Variants in RBMS3 observed in about 807,000 individuals in gnomAD.
RBMS3 encodes RNA binding motif single stranded interacting protein 3.
RBMS3 carries 27 observed loss-of-function variants against 66.8 expected under a neutral mutation model. The observed-to-expected ratio is 0.40, with a 90% CI of 0.30 to 0.56. RBMS3 has a LOEUF of 0.56. Ranked by LOEUF, RBMS3 falls within the 20% of genes least tolerant of loss-of-function variation. The pLI, the probability that RBMS3 is intolerant of heterozygous loss-of-function variation, is 0.40. For missense variants in RBMS3, 513 were observed against 549.5 expected (o/e 0.93, Z 0.66); for synonymous variants, 188 against 183.0 (o/e 1.03, Z -0.22).
chr3:29,617,185 A>G (rs1025061217), intron 4 of RBMS3: 5 of 152,238 alleles, frequency 3.3e-5, no homozygotes, highest in African/African-American at 9.6e-5. Flanking sequence ...CCTGTTGGGC[A>G]GGAACACAGA....
chr3:29,963,858 C>G (rs1411746620), intron 12 of RBMS3, among the ~76,000 whole-genome samples: 1 of 146,574 alleles, frequency 6.8e-6, no homozygotes, highest in Non-Finnish European at 1.5e-5. Context: ...GTATTAAAGG[C>G]TGAGTACATA....
At chr3:29,732,593 G>A (rs535480540) in intron 4 of RBMS3, among the ~76,000 whole-genome samples, 1 of 152,192 alleles carries the variant, frequency 6.6e-6, no homozygotes, top group East Asian at 1.9e-4. Context: ...TAGAGGTGCA[G>A]TAACTATCAC....
At chr3:29,512,338 C>T (rs1334177947) in intron 3 of RBMS3, among the ~76,000 whole-genome samples, 1 of 151,958 alleles carries the variant, frequency 6.6e-6, no homozygotes, top group African/African-American at 2.4e-5. Flanking sequence ...TTAGCTGCAG[C>T]ATGTGATAAG....
chr3:29,556,077 A>G (rs955485999), intron 3 of RBMS3, among the ~76,000 whole-genome samples: 2 of 152,144 alleles, frequency 1.3e-5, no homozygotes, highest in African/African-American at 2.4e-5. Flanking sequence ...CAAAATATGC[A>G]TTGTATTATT....
At chr3:29,767,785 A>C (rs1187962851) in intron 6 of RBMS3, among the ~76,000 whole-genome samples, 1 of 151,942 alleles carries the variant, frequency 6.6e-6, no homozygotes. Context: ...ATTTATCTTA[A>C]ATTTATCTTA....
At chr3:29,670,829 G>C (rs1420435781) in intron 4 of RBMS3, among the ~76,000 whole-genome samples, 1 of 152,204 alleles carries the variant, frequency 6.6e-6, no homozygotes, top group Non-Finnish European at 1.5e-5. Flanking sequence ...TGGGGGCAGG[G>C]CATAGCTGAA....
chr3:29,591,523 T>C lies in RBMS3; in HGVS notation c.399+4318T>C, dbSNP rs79504002. 3.8e-3 allele frequency among the ~76,000 whole-genome samples: 585 copies of C among 152,322 alleles called. 8 individuals carry two copies. The highest frequency in any genetic ancestry group is 0.014 in the African/African-American group (565 of 41,576). ...TTGAGTTGTCAGTGCAATAAGTTCC[T>C]TGGTTATCCAATCACATAACCCCTG... On this transcript the variant is annotated intron_variant, in intron 4 of 14. Coordinates refer to ENST00000383767, the MANE Select transcript of RBMS3 (RefSeq NM_001003793.3).
chr3:29,530,702 A>G (rs983207766), intron 3 of RBMS3, among the ~76,000 whole-genome samples: 2 of 123,472 alleles, frequency 1.6e-5, no homozygotes, highest in African/African-American at 5.8e-5. Context: ...TCTACTAAAA[A>G]TACAAAAAAA....
intron 4 of RBMS3, among the ~76,000 whole-genome samples, chr3:29,670,778 C>G (rs1200906807): frequency 6.6e-6 from 1 of 152,180 alleles, no homozygotes; most frequent in East Asian, 1.9e-4. Flanking sequence ...GGAGCCCACC[C>G]CAGCTCAAGG....
chr3:29,599,026 C>G (rs962187640), intron 4 of RBMS3, among the ~76,000 whole-genome samples: 18 of 151,694 alleles, frequency 1.2e-4, no homozygotes, highest in Admixed American at 1.1e-3. Flanking sequence ...AGAATTGACA[C>G]CACAGAAAAT....
rs182620632 is a variant in RBMS3, at chr3:29,347,422, A to G, written c.75+65666A>G. Among the ~76,000 whole-genome samples the G allele has an allele frequency of 1.2e-4, 18 of 152,328 alleles. No homozygotes were observed. The East Asian group carries it at 3.5e-3, about 29-fold the overall frequency. ...ACTAAAATTGATAGAGGAAAGGTCT[A>G]GGGGTTTGTTTATTTTAATTTAATA... On this transcript the variant is annotated intron_variant, in intron 1 of 14. Coordinates refer to ENST00000383767, the MANE Select transcript of RBMS3 (RefSeq NM_001003793.3).
chr3:29,827,560 C>G (rs2058242879), intron 6 of RBMS3, among the ~76,000 whole-genome samples: 1 of 152,096 alleles, frequency 6.6e-6, no homozygotes, highest in South Asian at 2.1e-4. Flanking sequence ...TCTCCTGACT[C>G]GTTTGTTGCT....
intron 6 of RBMS3, among the ~76,000 whole-genome samples, chr3:29,781,820 T>G (rs9310912): frequency 0.49 from 74,275 of 151,408 alleles, 18,476 homozygotes; most frequent in East Asian, 0.64. Context: ...TGGCCTTTAG[T>G]ACCGTGGGCT....
chr3:29,942,559 G>A (rs1366784126), intron 11 of RBMS3, among the ~76,000 whole-genome samples: 1 of 151,526 alleles, frequency 6.6e-6, no homozygotes, highest in Non-Finnish European at 1.5e-5. Flanking sequence ...AAAAAGGAAG[G>A]AAAGATGTAA....
intron 6 of RBMS3, among the ~76,000 whole-genome samples, chr3:29,838,489 A>G (rs1198436605): frequency 6.6e-6 from 1 of 152,156 alleles, no homozygotes. Context: ...CCTGAATAGG[A>G]TATTTCAAAG....
chr3:29,671,228 G>T (rs2050987359), intron 4 of RBMS3, among the ~76,000 whole-genome samples: 2 of 151,818 alleles, frequency 1.3e-5, no homozygotes, highest in South Asian at 4.2e-4. Context: ...GAAAGGAATA[G>T]CATCAACGTC....
At chr3:29,297,799 A>C (rs1478006827) in intron 1 of RBMS3, among the ~76,000 whole-genome samples, 1 of 151,848 alleles carries the variant, frequency 6.6e-6, no homozygotes, top group East Asian at 2.0e-4. Flanking sequence ...ATTTTCTTGC[A>C]GCCAGCTTAC....
intron 6 of RBMS3, among the ~76,000 whole-genome samples, chr3:29,774,344 T>C (rs1454073342): frequency 6.6e-6 from 1 of 152,020 alleles, no homozygotes; most frequent in Non-Finnish European, 1.5e-5. Context: ...GATAAAACCG[T>C]GATCAGGTCT....
In RBMS3 at chr3:29,289,236, T is replaced by C. The variant is rs1482392606; in HGVS notation, c.75+7480T>C. Among the ~76,000 whole-genome samples the C allele has an allele frequency of 2.6e-5, 4 of 152,034 alleles. No homozygotes were observed. In the East Asian group the frequency reaches 7.8e-4, roughly 29 times the overall value. Reference sequence around the variant, plus strand: ...GGCCTCTGCTATGGAAGGTATGAAGTTACTGAACTGTTAAGAGAAGGGTGG... The same window carrying C: ...GGCCTCTGCTATGGAAGGTATGAAGCTACTGAACTGTTAAGAGAAGGGTGG... On this transcript the variant is annotated intron_variant, in intron 1 of 14. Transcript: ENST00000383767.
Sources: allele counts gnomAD v4.1 joint callset (sites outside exome capture counted in the v4.1 genomes callset), GRCh38; gene constraint gnomAD v4.1.1; transcripts MANE v1.5; gene names NCBI Gene and HGNC (gene_info 2026-07-23, HGNC 2026-07-21).